The following BBS9 variants were observed in gnomAD, a reference collection of about 807,000 sequenced individuals.
BBS9 encodes the protein Bardet-Biedl syndrome 9, also known as protein PTHB1.
Under a neutral mutation model 117.7 loss-of-function variants are expected in BBS9, and 89 were observed. The observed-to-expected ratio is 0.76, with a 90% CI of 0.64 to 0.90. BBS9 has a LOEUF of 0.90. BBS9 is among the 40% of genes least tolerant of loss of function. BBS9 has a pLI of 0.00. For synonymous variants in BBS9, 379 were observed against 370.9 expected, an observed-to-expected ratio of 1.02 and a Z score of -0.25; for missense variants, 982 against 1,042.2, an observed-to-expected ratio of 0.94 and a Z score of 0.80.
At chr7:33,574,771 TA>T (rs1858497897) in intron 21 of BBS9, among the ~76,000 whole-genome samples, 2 of 151,548 alleles carry the variant, frequency 1.3e-5, no homozygotes, top group African/African-American at 4.9e-5. Flanking sequence ...TTATATAGGT[TA>T]TGTGTAAACT....
intron 5 of BBS9, among the ~76,000 whole-genome samples, chr7:33,238,822 T>A (rs1484275278): frequency 6.6e-6 from 1 of 152,164 alleles, no homozygotes; most frequent in Non-Finnish European, 1.5e-5. Flanking sequence ...ATTGTGAGCA[T>A]TTCCCCAAGT....
chr7:33,275,982 C>T (rs1044607585), intron 9 of BBS9, among the ~76,000 whole-genome samples: 1 of 152,108 alleles, frequency 6.6e-6, no homozygotes, highest in Admixed American at 6.6e-5. Flanking sequence ...GTGAACCTTC[C>T]TATTTCTCAT....
chr7:33,213,018 A>G (rs1788323216), intron 5 of BBS9, among the ~76,000 whole-genome samples: 1 of 151,984 alleles, frequency 6.6e-6, no homozygotes, highest in Admixed American at 6.5e-5. Flanking sequence ...CTACCTGGCT[A>G]CCTCCTATGT....
intron 19 of BBS9, among the ~76,000 whole-genome samples, chr7:33,415,775 ATCT>A (rs1303633757): frequency 2.0e-5 from 3 of 152,302 alleles, no homozygotes; most frequent in African/African-American, 7.2e-5. Flanking sequence ...AGCCAGCTTC[ATCT>A]TCTTGATCAG....
At chr7:33,172,355 T>G (rs1583460071) in intron 4 of BBS9, among the ~76,000 whole-genome samples, 1 of 150,160 alleles carries the variant, frequency 6.7e-6, no homozygotes, top group East Asian at 2.0e-4. Flanking sequence ...CACTCCAGCC[T>G]GGGTGACAGA....
At chr7:33,396,017 A>C (rs566085053) in intron 19 of BBS9, among the ~76,000 whole-genome samples, 2 of 152,300 alleles carry the variant, frequency 1.3e-5, no homozygotes, top group Non-Finnish European at 2.9e-5. Context: ...ATAGGTGAGA[A>C]AGGAGGAGGA....
At chr7:33,187,798 G>A (rs1783371638) in intron 5 of BBS9, among the ~76,000 whole-genome samples, 1 of 151,956 alleles carries the variant, frequency 6.6e-6, no homozygotes, top group African/African-American at 2.4e-5. Flanking sequence ...GTGGGTGCCT[G>A]TAATCCCAGC....
chr7:33,518,545 G>A (rs1025065941), intron 20 of BBS9, among the ~76,000 whole-genome samples: 13 of 151,922 alleles, frequency 8.6e-5, no homozygotes, highest in African/African-American at 1.2e-4. Context: ...CACCGCGCCC[G>A]GCCTATATTC....
intron 17 of BBS9, among the ~76,000 whole-genome samples, chr7:33,370,046 C>T (rs532528474): frequency 6.6e-6 from 1 of 152,066 alleles, no homozygotes; most frequent in East Asian, 1.9e-4. Context: ...GATTTTAGTT[C>T]CTTTTTCTGA....
intron 21 of BBS9, among the ~76,000 whole-genome samples, chr7:33,547,628 A>G (rs1853625313): frequency 6.6e-6 from 1 of 152,176 alleles, no homozygotes; most frequent in Non-Finnish European, 1.5e-5. Context: ...AGAGGGGTAA[A>G]TGGTCAGGTT....
intron 21 of BBS9, among the ~76,000 whole-genome samples, chr7:33,581,164 A>G (rs749598064): frequency 2.6e-5 from 4 of 151,952 alleles, no homozygotes; most frequent in Non-Finnish European, 5.9e-5. Context: ...TTGTTCTAAA[A>G]TGTCCATCTT....
chr7:33,448,255 A>T (rs12056024), intron 19 of BBS9, among the ~76,000 whole-genome samples: 26,350 of 152,030 alleles, frequency 0.17, 2,512 homozygotes, highest in South Asian at 0.21. Context: ...GCCCCAGTTC[A>T]GGCCTCTCTC....
At chr7:33,172,706 A>G (rs1410286588) in intron 4 of BBS9, among the ~76,000 whole-genome samples, 1 of 152,224 alleles carries the variant, frequency 6.6e-6, no homozygotes, top group Non-Finnish European at 1.5e-5. Flanking sequence ...TGCCCTAAGC[A>G]ATTGTTAACC....
intron 21 of BBS9, among the ~76,000 whole-genome samples, chr7:33,586,658 A>T (rs1860942648): frequency 6.6e-6 from 1 of 152,102 alleles, no homozygotes; most frequent in East Asian, 1.9e-4. Context: ...GACCATCAGC[A>T]GTGGATTGGA....
Position 33,565,805 on chromosome 7 carries a change from A to G in BBS9, c.2521+31629A>G, listed in dbSNP as rs1276987508. On this transcript the variant is annotated intron_variant, in intron 21 of 22. Transcript: ENST00000242067. ...AGTATATATATATATATATATATATATATATATATATATATATATATACCG... is the reference window on the plus strand; with the variant it reads ...AGTATATATATATATATATATATATGTATATATATATATATATATATACCG... 1.2e-3 allele frequency among the ~76,000 whole-genome samples: 68 copies of G among 55,598 alleles called. 2 individuals are homozygous for G. The highest frequency in any genetic ancestry group is 8.1e-3 in the African/African-American group (59 of 7,268). 36.5% of individuals were successfully genotyped at this position (55,598 alleles called of 152,430 possible). A position where few individuals can be genotyped will look rare whatever the true frequency, so the allele number is the denominator to read the frequency against.
At chr7:33,285,494 A>T (rs1367635613) in intron 9 of BBS9, among the ~76,000 whole-genome samples, 1 of 152,130 alleles carries the variant, frequency 6.6e-6, no homozygotes, top group Non-Finnish European at 1.5e-5. Flanking sequence ...TGTCAATCTC[A>T]TTGAAGGATT....
intron 21 of BBS9, among the ~76,000 whole-genome samples, chr7:33,555,193 C>T (rs1021473013): frequency 3.3e-5 from 5 of 152,212 alleles, no homozygotes; most frequent in African/African-American, 1.2e-4. Flanking sequence ...CAGAGGGACA[C>T]ATATCCAGAC....
intron 21 of BBS9, among the ~76,000 whole-genome samples, chr7:33,596,714 A>C (rs373683806): frequency 3.9e-5 from 6 of 152,118 alleles, no homozygotes; most frequent in African/African-American, 1.4e-4. Flanking sequence ...TGTCATTTAC[A>C]CCTTTTGTAA....
intron 10 of BBS9, among the ~76,000 whole-genome samples, chr7:33,337,172 G>T (rs542659297): frequency 6.6e-6 from 1 of 152,098 alleles, no homozygotes; most frequent in African/African-American, 2.4e-5. Flanking sequence ...TTCAGTTCCC[G>T]AGTTTTGAAT....
Sources: gnomAD v4.1 joint callset for allele counts (sites outside exome capture counted in the v4.1 genomes callset) on GRCh38, gnomAD v4.1.1 for gene constraint, MANE v1.5 for transcripts, NCBI Gene and HGNC (gene_info 2026-07-23, HGNC 2026-07-21) for gene names.